The following ANO3 variants were observed in gnomAD, a reference collection of about 807,000 sequenced individuals.
The protein encoded by ANO3 is anoctamin-3.
ANO3 carries 99 observed loss-of-function variants against 144.8 expected under a neutral mutation model. The ratio of observed to expected loss-of-function variants is 0.68; its 90% confidence interval spans 0.58 to 0.81. ANO3 has a LOEUF of 0.81. Among genes scored for constraint, ANO3 ranks in the 30% least tolerant of loss-of-function variants. The pLI is 0.00. For synonymous variants in ANO3, 414 were observed against 392.6 expected, an observed-to-expected ratio of 1.05 and a Z score of -0.64; for missense variants, 905 against 1,202.2, an observed-to-expected ratio of 0.75 and a Z score of 3.66.
intron 14 of ANO3, among the ~76,000 whole-genome samples, chr11:26,593,873 C>T (rs902928804): frequency 5.9e-5 from 9 of 152,134 alleles, no homozygotes; most frequent in African/African-American, 1.7e-4. Flanking sequence ...CTGTTCGTCC[C>T]GTTCCGCCTG....
chr11:26,609,470 C>A (rs1852031011), intron 17 of ANO3, among the ~76,000 whole-genome samples: 1 of 151,044 alleles, frequency 6.6e-6, no homozygotes. Context: ...TTCACATATC[C>A]TGCAAGATAT....
intron 14 of ANO3, among the ~76,000 whole-genome samples, chr11:26,590,847 G>A (rs1037031173): frequency 1.3e-5 from 2 of 152,110 alleles, no homozygotes; most frequent in African/African-American, 4.8e-5. Context: ...AGCTCAGCTT[G>A]AGCCGTAACA....
intron 14 of ANO3, chr11:26,565,723 G>A (rs1212560682): frequency 1.9e-6 from 3 of 1,605,790 alleles, no homozygotes; most frequent in Non-Finnish European, 2.6e-6. Flanking sequence ...AAAGAAATAG[G>A]TTTATTTTCC....
chr11:26,591,170 TAGTC>T (rs1851439602), intron 14 of ANO3, among the ~76,000 whole-genome samples: 1 of 152,162 alleles, frequency 6.6e-6, no homozygotes, highest in South Asian at 2.1e-4. Flanking sequence ...TAGGAATTCT[TAGTC>T]AGCCTAGGAA....
chr11:26,423,309 CTTTTT>C (rs142064982), intron 1 of ANO3, among the ~76,000 whole-genome samples: 1 of 135,172 alleles, frequency 7.4e-6, no homozygotes, highest in Non-Finnish European at 1.6e-5. Flanking sequence ...TACCTTTATA[CTTTTT>C]TTTTTTTTTT....
intron 1 of ANO3, among the ~76,000 whole-genome samples, chr11:26,315,392 C>T (rs1353933063): frequency 6.6e-6 from 1 of 152,130 alleles, no homozygotes; most frequent in Admixed American, 6.6e-5. Context: ...GGAGATTTAC[C>T]TGAAGCTTAG....
At chr11:26,563,467 G>T (rs502093) in intron 14 of ANO3, among the ~76,000 whole-genome samples, 98,615 of 150,560 alleles carry the variant, frequency 0.65, 32,525 homozygotes, top group Admixed American at 0.74. Context: ...ATGGGCAAAC[G>T]TATTTGTTGA....
intron 7 of ANO3, among the ~76,000 whole-genome samples, chr11:26,530,079 G>T (rs1357846532): frequency 6.6e-6 from 1 of 152,130 alleles, no homozygotes; most frequent in African/African-American, 2.4e-5. Context: ...AGATAATCAA[G>T]GTATTCCTAT....
At chr11:26,656,911 G>A (rs1297068551) in intron 26 of ANO3, among the ~76,000 whole-genome samples, 3 of 152,080 alleles carry the variant, frequency 2.0e-5, no homozygotes, top group Admixed American at 6.6e-5. Flanking sequence ...AACACTGGAT[G>A]GTTCAATAAA....
intron 23 of ANO3, among the ~76,000 whole-genome samples, chr11:26,647,366 A>C (rs1853378642): frequency 6.6e-6 from 1 of 152,194 alleles, no homozygotes; most frequent in Admixed American, 6.5e-5. Flanking sequence ...GAACTTGAAG[A>C]TTCTTATGTA....
chr11:26,434,144 G>C (rs1858213160), intron 1 of ANO3, among the ~76,000 whole-genome samples: 1 of 152,102 alleles, frequency 6.6e-6, no homozygotes, highest in Admixed American at 6.5e-5. Context: ...TCTTGATTCA[G>C]TCTTGGGAGG....
chr11:26,311,146 A>T (rs1854493708), intron 1 of ANO3, among the ~76,000 whole-genome samples: 1 of 152,218 alleles, frequency 6.6e-6, no homozygotes, highest in African/African-American at 2.4e-5. Flanking sequence ...AACATTAAGG[A>T]CAATGAGAAT....
intron 1 of ANO3, among the ~76,000 whole-genome samples, chr11:26,212,548 T>A: frequency 6.6e-6 from 1 of 151,960 alleles, no homozygotes; most frequent in Non-Finnish European, 1.5e-5. Flanking sequence ...AATGGATAAA[T>A]TTCTGGACAC....
chr11:26,579,165 C>T (rs1417448652), intron 14 of ANO3, among the ~76,000 whole-genome samples: 1 of 152,162 alleles, frequency 6.6e-6, no homozygotes, highest in Non-Finnish European at 1.5e-5. Flanking sequence ...AAAAGATCCA[C>T]ATGATTTATT....
upstream of ANO3, among the ~76,000 whole-genome samples, chr11:26,307,285 C>G (rs909804531): frequency 6.6e-6 from 1 of 152,008 alleles, no homozygotes; most frequent in Non-Finnish European, 1.5e-5. Flanking sequence ...ACCCAGGAGA[C>G]GGAGGTTGCA....
At chr11:26,509,398 C>T (rs191437231) in intron 5 of ANO3, among the ~76,000 whole-genome samples, 31 of 152,168 alleles carry the variant, frequency 2.0e-4, no homozygotes, top group Admixed American at 2.0e-3. Context: ...TTAATGCAAC[C>T]TCTGCCTCCC....
chr11:26,479,059 G>A (rs1860098029), intron 4 of ANO3, among the ~76,000 whole-genome samples: 1 of 152,170 alleles, frequency 6.6e-6, no homozygotes, highest in African/African-American at 2.4e-5. Context: ...ACAAGCATCA[G>A]AATTAAGAGA....
At chr11:26,291,537 T>C (rs1439908630) in intron 1 of ANO3, among the ~76,000 whole-genome samples, 7 of 152,228 alleles carry the variant, frequency 4.6e-5, no homozygotes, top group Non-Finnish European at 1.0e-4. Context: ...GTTTTTGCAG[T>C]GGCTGGTACC....
intron 6 of ANO3, among the ~76,000 whole-genome samples, chr11:26,519,578 T>A (rs1590450220): frequency 6.6e-6 from 1 of 152,194 alleles, no homozygotes; most frequent in African/African-American, 2.4e-5. Flanking sequence ...GGCAGCATGG[T>A]TGGGCTCTGG....
Sources: gnomAD v4.1 joint callset for allele counts (sites outside exome capture counted in the v4.1 genomes callset) on GRCh38, gnomAD v4.1.1 for gene constraint, MANE v1.5 for transcripts, NCBI Gene and HGNC (gene_info 2026-07-23, HGNC 2026-07-21) for gene names.